Variants in PCDHGB1 observed in about 807,000 individuals in gnomAD.
PCDHGB1 encodes protocadherin gamma-B1.
In PCDHGB1, 34 loss-of-function variants were observed where a neutral mutation model predicts 56.6. The ratio of observed to expected loss-of-function variants is 0.60; its 90% CI spans 0.46 to 0.80. The LOEUF (loss-of-function observed/expected upper bound fraction) is 0.80. Among genes scored for constraint, PCDHGB1 ranks in the 30% least tolerant of loss-of-function variants. PCDHGB1 has a pLI of 0.00. For missense variants in PCDHGB1, 1,278 were observed against 1,204.6 expected, an observed-to-expected ratio of 1.06 and a Z score of -0.90; for synonymous variants, 561 against 505.9, an observed-to-expected ratio of 1.11 and a Z score of -1.46.
rs62379205 is a variant in PCDHGB1, at chr5:141,491,971, T to G, written c.2410-2836T>G. On this transcript the variant is annotated intron_variant, in intron 1 of 3. Coordinates refer to ENST00000523390, the MANE Select transcript of PCDHGB1 (RefSeq NM_018922.3). This position sits in a 1 kb window ranked among gnomAD's most constrained non-coding sequence, Gnocchi z 6.9. ...CCTACACTCAAAAAAGGCCGGGGCC[T>G]CCTTCGAGCTTCCGGTGAATTTCGG... The G allele has an allele frequency of 3.6e-6, 3 of 831,948 alleles. No homozygotes were observed. Among genetic ancestry groups the G allele is most frequent in the Admixed American group, 3.7e-5 (1 of 26,692 alleles). The allele number at this position is 831,948 out of a possible 1,614,324, so 51.5% of individuals were successfully genotyped here.
Position 141,362,718 on chromosome 5 carries a change from G to A in PCDHGB1, c.2409+10049G>A, listed in dbSNP as rs1762651072. The A allele has an allele frequency of 4.5e-6, 4 of 880,132 alleles. No homozygotes were observed. In the East Asian group the frequency reaches 8.0e-5, roughly 18 times the overall value. The allele number at this position is 880,132 out of a possible 1,614,324, so 54.5% of individuals were successfully genotyped here. A position where few individuals can be genotyped will look rare whatever the true frequency, so the allele number is the denominator to read the frequency against. Reference sequence around the variant, plus strand: ...ACTGAATTTTAAGTGTTTTCTCTCTGAAGTGTGAGATTTATTTACCCATGA... The same window carrying A: ...ACTGAATTTTAAGTGTTTTCTCTCTAAAGTGTGAGATTTATTTACCCATGA... On this transcript the variant is annotated intron_variant, in intron 1 of 3. Coordinates refer to ENST00000523390, the MANE Select transcript of PCDHGB1 (RefSeq NM_018922.3).
At chr5:141,393,972 C>G in intron 1 of PCDHGB1, 1 of 1,613,790 alleles carries the variant, frequency 6.2e-7, no homozygotes, top group South Asian at 1.1e-5. Flanking sequence ...CTGTTACACA[C>G]GTGATAATTT....
At position 141,371,310 on chromosome 5, in the gene PCDHGB1, G is replaced by C. The variant is rs371403587; in HGVS notation, c.2409+18641G>C. ...AACGGGGGAACTCACCACTATTGGA[G>C]AACTGGACTTTGAAGAGAGAGATAG... On this transcript the variant is annotated intron_variant, in intron 1 of 3. Coordinates refer to ENST00000523390, the MANE Select transcript of PCDHGB1 (RefSeq NM_018922.3). 3.1e-6 allele frequency: 5 copies of C among 1,613,874 alleles called. No individual in the cohort carries two copies. Among genetic ancestry groups the C allele is most frequent in the Non-Finnish European group, 4.2e-6 (5 of 1,179,886 alleles).
intron 1 of PCDHGB1, among the ~76,000 whole-genome samples, chr5:141,456,877 C>T (rs910777736): frequency 2.0e-5 from 3 of 152,202 alleles, no homozygotes; most frequent in South Asian, 2.1e-4. Context: ...GCAGGAGAAT[C>T]GCTTGAACCC....
At chr5:141,376,143 C>T (rs968258270) in intron 1 of PCDHGB1, 3 of 1,613,858 alleles carry the variant, frequency 1.9e-6, no homozygotes, top group East Asian at 2.2e-5. Flanking sequence ...CCCAACGATT[C>T]GGACCTCACT....
intron 1 of PCDHGB1, chr5:141,382,742 A>G: frequency 1.7e-6 from 1 of 585,144 alleles, no homozygotes; most frequent in Non-Finnish European, 2.9e-6. Flanking sequence ...GAGAAACGAC[A>G]GATTGCGATA....
At chr5:141,408,910 T>A in intron 1 of PCDHGB1, 1 of 1,613,256 alleles carries the variant, frequency 6.2e-7, no homozygotes, top group Non-Finnish European at 8.5e-7. Flanking sequence ...AGGATACCAA[T>A]GATAACCCCC....
intron 1 of PCDHGB1, chr5:141,360,565 G>T (rs180935383): frequency 6.2e-7 from 1 of 1,613,894 alleles, no homozygotes. Context: ...AAAAATTGGC[G>T]AATCCACTAA....
intron 1 of PCDHGB1, chr5:141,383,815 G>T (rs1221512502): frequency 1.2e-6 from 2 of 1,613,964 alleles, no homozygotes; most frequent in Non-Finnish European, 1.7e-6. Context: ...AACTTTAGAA[G>T]GATTAGATTA....
At chr5:141,428,290 C>A in intron 1 of PCDHGB1, 1 of 726,802 alleles carries the variant, frequency 1.4e-6, no homozygotes, top group Non-Finnish European at 2.4e-6. Context: ...CCAAGCAAAG[C>A]TGCAGATTTA....
chr5:141,387,718 T>G, intron 1 of PCDHGB1: 1 of 1,099,216 alleles, frequency 9.1e-7, no homozygotes, highest in South Asian at 1.7e-5. Context: ...CAGCTCAGAC[T>G]CCCCAGCGCC....
chr5:141,414,909 C>G (rs1230113440), intron 1 of PCDHGB1: 4 of 1,614,220 alleles, frequency 2.5e-6, no homozygotes, highest in Non-Finnish European at 3.4e-6. Context: ...GTTCCACAGG[C>G]GTGGAGCTGG....
rs778067452 is a variant in PCDHGB1, at chr5:141,364,597, G to C, written c.2409+11928G>C. 4.3e-6 allele frequency: 7 copies of C among 1,614,088 alleles called. No individual in the cohort carries two copies. The highest frequency in any genetic ancestry group is 5.1e-6 in the Non-Finnish European group (6 of 1,180,016). ...GCGGCAGCTTGGTCACCGCGGGCAG[G>C]ATAGACCGGGAGGAGCTCTGCGCTC... On this transcript the variant is annotated intron_variant, in intron 1 of 3. Transcript: ENST00000523390.
At chr5:141,419,770 G>C in intron 1 of PCDHGB1, 1 of 1,614,006 alleles carries the variant, frequency 6.2e-7, no homozygotes, top group Non-Finnish European at 8.5e-7. Context: ...ACAAGGACTC[G>C]GTCCGCCAGC....
intron 1 of PCDHGB1, chr5:141,398,625 T>C (rs777533974): frequency 6.2e-7 from 1 of 1,614,046 alleles, no homozygotes; most frequent in South Asian, 1.1e-5. Context: ...GCTTAAACTC[T>C]CTGCAGAAGT....
intron 3 of PCDHGB1, among the ~76,000 whole-genome samples, chr5:141,509,050 C>T (rs867585045): frequency 1.6e-4 from 25 of 152,304 alleles, no homozygotes; most frequent in Admixed American, 5.2e-4. Flanking sequence ...CCCCCGCCCC[C>T]AGAAAGCTCT....
Position 141,486,316 on chromosome 5 carries a change from A to G in PCDHGB1, c.2410-8491A>G, listed in dbSNP as rs1251956899. The G allele has an allele frequency of 6.2e-7, 1 of 1,614,066 alleles. No individual in the cohort carries two copies. On this transcript the variant is annotated intron_variant, in intron 1 of 3. Transcript: ENST00000523390. This position sits in a 1 kb window ranked among gnomAD's most constrained non-coding sequence, Gnocchi z 5.0. ...GTGTGCAGGATCCAGACTCAGGGTC[A>G]AACGGAGATGTGAGCCTCCGCATTC...
chr5:141,388,356 C>A (rs756910714), intron 1 of PCDHGB1: 2 of 1,613,944 alleles, frequency 1.2e-6, no homozygotes, highest in Non-Finnish European at 1.7e-6. Flanking sequence ...AGGATCTGCC[C>A]ATGATGCGGA....
intron 1 of PCDHGB1, chr5:141,414,831 G>C: frequency 4.3e-6 from 7 of 1,614,212 alleles, no homozygotes; most frequent in Non-Finnish European, 5.9e-6. Flanking sequence ...ACGTGTCGTT[G>C]AGCCTGTTTG....
Sources: allele counts gnomAD v4.1 joint callset (sites outside exome capture counted in the v4.1 genomes callset), GRCh38; gene constraint gnomAD v4.1.1; non-coding constraint Gnocchi (gnomAD v3.1); transcripts MANE v1.5; gene names NCBI Gene and HGNC (gene_info 2026-07-23, HGNC 2026-07-21).